Variants in SAMTOR observed in about 807,000 individuals in gnomAD.
The protein encoded by SAMTOR is S-adenosylmethionine sensor upstream of mTORC1, also known as UPF0532 protein C7orf60.
the SAMTOR span, among the ~76,000 whole-genome samples, chr7:112,924,038 T>G: frequency 7.7e-6 from 1 of 129,170 alleles, no homozygotes; most frequent in East Asian, 2.3e-4. Context: ...CTCTGGGGTC[T>G]GTTGTGGGGT....
At chr7:112,919,738 T>G in the SAMTOR span, among the ~76,000 whole-genome samples, 2 of 151,122 alleles carry the variant, frequency 1.3e-5, no homozygotes, top group Non-Finnish European at 3.0e-5. Context: ...AAGAATCAAA[T>G]AGACGCAATA....
At chr7:112,917,020 G>C in the SAMTOR span, among the ~76,000 whole-genome samples, 1 of 152,182 alleles carries the variant, frequency 6.6e-6, no homozygotes. Context: ...CTGGGGGCAG[G>C]GCACAGACAA....
chr7:112,893,696 G>T, the SAMTOR span, among the ~76,000 whole-genome samples: 1 of 152,184 alleles, frequency 6.6e-6, no homozygotes, highest in Admixed American at 6.5e-5. Flanking sequence ...GAGGTCAAGA[G>T]ATCCAGACCG....
At chr7:112,904,314 A>G in the SAMTOR span, among the ~76,000 whole-genome samples, 1 of 152,194 alleles carries the variant, frequency 6.6e-6, no homozygotes, top group Non-Finnish European at 1.5e-5. Context: ...AACCATAGTA[A>G]AAACCATAAT....
the SAMTOR span, among the ~76,000 whole-genome samples, chr7:112,899,836 C>T: frequency 6.8e-6 from 1 of 147,454 alleles, no homozygotes; most frequent in South Asian, 2.1e-4. Flanking sequence ...ATACTGTACC[C>T]CGCAAAGCTA....
the SAMTOR span, among the ~76,000 whole-genome samples, chr7:112,884,489 C>T: frequency 6.6e-6 from 1 of 152,272 alleles, no homozygotes; most frequent in South Asian, 2.1e-4. Context: ...TACACCCATT[C>T]CAAATGGGAG....
the SAMTOR span, chr7:112,822,119 G>A: frequency 5.6e-6 from 9 of 1,613,672 alleles, no homozygotes; most frequent in African/African-American, 1.2e-4. Context: ...GGTTCTGATG[G>A]GAGGAATCAG....
the SAMTOR span, among the ~76,000 whole-genome samples, chr7:112,917,767 C>T: frequency 1.3e-5 from 2 of 152,100 alleles, no homozygotes; most frequent in Non-Finnish European, 2.9e-5. Context: ...GCTGATGGAG[C>T]TGAAAGCCAA....
chr7:112,915,645 T>C, the SAMTOR span, among the ~76,000 whole-genome samples: 1 of 152,140 alleles, frequency 6.6e-6, no homozygotes, highest in Non-Finnish European at 1.5e-5. Flanking sequence ...AAAATAAAAA[T>C]GTTTAAATAA....
the SAMTOR span, among the ~76,000 whole-genome samples, chr7:112,906,995 A>G: frequency 6.6e-6 from 1 of 152,316 alleles, no homozygotes; most frequent in African/African-American, 2.4e-5. Flanking sequence ...AGTTGATCCT[A>G]AAGTACATGT....
the SAMTOR span, among the ~76,000 whole-genome samples, chr7:112,839,000 T>A: frequency 6.6e-6 from 1 of 151,866 alleles, no homozygotes; most frequent in African/African-American, 2.4e-5. Flanking sequence ...GCATATCTAA[T>A]ACTCAGAATT....
the SAMTOR span, among the ~76,000 whole-genome samples, chr7:112,907,754 T>C: frequency 6.6e-6 from 1 of 152,072 alleles, no homozygotes; most frequent in Non-Finnish European, 1.5e-5. Flanking sequence ...AAGCTAGAGA[T>C]ACCAATTCCA....
the SAMTOR span, among the ~76,000 whole-genome samples, chr7:112,860,411 C>T: frequency 6.6e-6 from 1 of 152,104 alleles, no homozygotes; most frequent in African/African-American, 2.4e-5. Context: ...GTTGAGCTTT[C>T]TGTTTGTTAA....
At chr7:112,905,031 T>C in the SAMTOR span, among the ~76,000 whole-genome samples, 1 of 152,006 alleles carries the variant, frequency 6.6e-6, no homozygotes, top group African/African-American at 2.4e-5. Flanking sequence ...CTTTTACACA[T>C]AGACCATTAA....
the SAMTOR span, chr7:112,819,975 G>A: frequency 2.0e-5 from 3 of 152,240 alleles, no homozygotes; most frequent in Non-Finnish European, 4.4e-5. Flanking sequence ...CTTCTCTTGG[G>A]GAAGCTACAA....
the SAMTOR span, among the ~76,000 whole-genome samples, chr7:112,926,217 T>C: frequency 6.6e-6 from 1 of 152,182 alleles, no homozygotes; most frequent in Non-Finnish European, 1.5e-5. Flanking sequence ...CTATCTACCA[T>C]GGGTGAGGAC....
At chr7:112,833,484 A>T in the SAMTOR span, among the ~76,000 whole-genome samples, 2 of 152,156 alleles carry the variant, frequency 1.3e-5, no homozygotes, top group African/African-American at 2.4e-5. Flanking sequence ...AGTGCTCAAA[A>T]AGTGGTACAT....
chr7:112,937,324 A>G, the SAMTOR span, among the ~76,000 whole-genome samples: 4 of 152,174 alleles, frequency 2.6e-5, no homozygotes, highest in Non-Finnish European at 4.4e-5. Flanking sequence ...CAGTTTCCAT[A>G]GTTATTGGTG....
chr7:112,917,994 G>A, the SAMTOR span, among the ~76,000 whole-genome samples: 1 of 152,166 alleles, frequency 6.6e-6, no homozygotes, highest in Non-Finnish European at 1.5e-5. Flanking sequence ...AAAGTGATGG[G>A]GAGAATGGAA....
Sources: gnomAD v4.1 joint callset for allele counts (sites outside exome capture counted in the v4.1 genomes callset) on GRCh38, gnomAD v4.1.1 for gene constraint, MANE v1.5 for transcripts, NCBI Gene and HGNC (gene_info 2026-07-23, HGNC 2026-07-21) for gene names.